Variants in ARHGEF26 observed in about 807,000 individuals in gnomAD.
The protein encoded by ARHGEF26 is Rho guanine nucleotide exchange factor 26.
ARHGEF26 carries 59 observed loss-of-function variants against 89.4 expected under a neutral mutation model. The ratio of observed to expected loss-of-function variants is 0.66; its 90% confidence interval spans 0.54 to 0.82. The LOEUF (loss-of-function observed/expected upper bound fraction) is 0.82, where lower values mean the gene tolerates loss of function less well. Among genes scored for constraint, ARHGEF26 ranks in the 40% least tolerant of loss-of-function variants. The probability of loss-of-function intolerance (pLI) is 0.00; values close to 1 mark genes in which losing one functional copy is unlikely to be tolerated. For missense variants in ARHGEF26, 1,234 were observed against 1,085.6 expected, an observed-to-expected ratio of 1.14 and a Z score of -1.92; for synonymous variants, 500 against 428.4, an observed-to-expected ratio of 1.17 and a Z score of -2.06.
chr3:154,160,189 G>A (rs1226906495), intron 6 of ARHGEF26, among the ~76,000 whole-genome samples: 4 of 152,044 alleles, frequency 2.6e-5, no homozygotes, highest in Non-Finnish European at 5.9e-5. Context: ...AAATTCACCC[G>A]AAGTATTTTC....
chr3:154,240,617 G>GTA, intron 12 of ARHGEF26, 38 bp downstream of exon 12: 1 of 1,534,234 alleles, frequency 6.5e-7, no homozygotes, highest in African/African-American at 1.4e-5. Context: ...ATAGCTGATA[G>GTA]TATCTCCCTG....
chr3:154,253,952 T>C (rs1159505578), intron 13 of ARHGEF26, among the ~76,000 whole-genome samples: 9 of 152,108 alleles, frequency 5.9e-5, no homozygotes, highest in Admixed American at 5.9e-4. Flanking sequence ...TGTTTGTTTG[T>C]TTTGAGATGG....
intron 9 of ARHGEF26, among the ~76,000 whole-genome samples, chr3:154,211,847 A>ATG (rs1448687680): frequency 1.1e-4 from 14 of 122,618 alleles, no homozygotes; most frequent in African/African-American, 3.7e-4. Flanking sequence ...AATAATGTAT[A>ATG]TGTGTGTGTG....
intron 9 of ARHGEF26, among the ~76,000 whole-genome samples, chr3:154,211,820 T>G (rs1049574466): frequency 6.6e-6 from 1 of 151,970 alleles, no homozygotes; most frequent in Non-Finnish European, 1.5e-5. Context: ...ATATAAATAG[T>G]ATAATGACAC....
chr3:154,133,559 A>T (rs1002137952), intron 4 of ARHGEF26, among the ~76,000 whole-genome samples: 4 of 151,302 alleles, frequency 2.6e-5, no homozygotes, highest in Non-Finnish European at 4.4e-5. Context: ...TTTCTGTTCC[A>T]TTGGTTTGTG....
At chr3:154,244,181 T>G (rs1717650795) in intron 12 of ARHGEF26, among the ~76,000 whole-genome samples, 1 of 152,196 alleles carries the variant, frequency 6.6e-6, no homozygotes, top group African/African-American at 2.4e-5. Context: ...TGAAAAATAA[T>G]GAATTTTACA....
intron 9 of ARHGEF26, among the ~76,000 whole-genome samples, chr3:154,198,146 T>G (rs1714399211): frequency 2.0e-5 from 3 of 152,062 alleles, no homozygotes; most frequent in African/African-American, 7.2e-5. Flanking sequence ...TCAGCATCAC[T>G]AACTATAAAG....
chr3:154,212,834 G>C (rs1258441662), intron 9 of ARHGEF26, among the ~76,000 whole-genome samples: 1 of 152,016 alleles, frequency 6.6e-6, no homozygotes, highest in Non-Finnish European at 1.5e-5. Flanking sequence ...CCGTGCGCTG[G>C]ATTCCTAACC....
At chr3:154,181,550 CTG>C (rs1047592756) in intron 6 of ARHGEF26, among the ~76,000 whole-genome samples, 2 of 152,060 alleles carry the variant, frequency 1.3e-5, no homozygotes, top group Admixed American at 6.5e-5. Flanking sequence ...TCCTTTTTTT[CTG>C]TGTTTCCAGA....
Position 154,122,070 on chromosome 3 carries a change from C to T in ARHGEF26, c.78C>T (p.Pro26=), listed in dbSNP as rs941455212. The change falls in exon 2 of 15, where the codon CCC becomes CCT. Residue 26 remains proline, a synonymous_variant. Coordinates refer to ENST00000465093, the MANE Select transcript of ARHGEF26 (RefSeq NM_015595.4). ...PLWRRRSIPQ[P]HQVLGRSKPR... ...GGCGGAGGCGGTCGATTCCTCAGCC[C>T]CACCAGGTTCTGGGCCGGAGCAAGC... 1 of 1,612,852 alleles carries T rather than the reference C, an allele frequency of 6.2e-7. No individual in the cohort carries two copies. The highest frequency in any genetic ancestry group is 1.7e-4 in the Middle Eastern group (1 of 6,060).
At chr3:154,239,065 GA>G in intron 11 of ARHGEF26, among the ~76,000 whole-genome samples, 1 of 152,100 alleles carries the variant, frequency 6.6e-6, no homozygotes, top group Non-Finnish European at 1.5e-5. Context: ...GGATTACAGA[GA>G]GTTTGTAGTT....
At chr3:154,232,667 G>T (rs1292126013) in intron 11 of ARHGEF26, among the ~76,000 whole-genome samples, 1 of 152,128 alleles carries the variant, frequency 6.6e-6, no homozygotes, top group African/African-American at 2.4e-5. Context: ...AGGCATGATT[G>T]TAAGTGCCTT....
At chr3:154,143,737 A>G (rs927723176) in intron 4 of ARHGEF26, among the ~76,000 whole-genome samples, 2 of 152,222 alleles carry the variant, frequency 1.3e-5, no homozygotes, top group African/African-American at 4.8e-5. Context: ...ATTTTATTAA[A>G]TAGTGCACGT....
chr3:154,122,114 A>G lies in ARHGEF26; in HGVS notation c.122A>G (p.Gln41Arg), dbSNP rs1717974574. 1.2e-6 allele frequency: 2 copies of G among 1,609,706 alleles called. No individual in the cohort carries two copies. Among genetic ancestry groups the G allele is most frequent in the East Asian group, 4.5e-5 (2 of 44,666 alleles). The change falls in exon 2 of 15, where the codon CAG (glutamine) becomes CGG (arginine). Residue 41 changes from glutamine (Q) to arginine (R), a missense_variant. By Grantham distance (43) the Gln-to-Arg change is conservative. Transcript: ENST00000465093. ...GRSKPRPQSY[Q>R]SPNGLLITDF... Reference sequence around the variant, plus strand: ...AGCAAGCCGAGGCCCCAGTCCTACCAGAGCCCCAACGGGTTACTAATTACG... The same window carrying G: ...AGCAAGCCGAGGCCCCAGTCCTACCGGAGCCCCAACGGGTTACTAATTACG...
intron 9 of ARHGEF26, among the ~76,000 whole-genome samples, chr3:154,203,356 T>A (rs957721189): frequency 7.9e-5 from 12 of 151,892 alleles, no homozygotes; most frequent in Non-Finnish European, 1.5e-4. Context: ...GCCCACTTGA[T>A]CATGGTGGAT....
chr3:154,236,957 G>A (rs1284979602), intron 11 of ARHGEF26, among the ~76,000 whole-genome samples: 1 of 152,154 alleles, frequency 6.6e-6, no homozygotes, highest in Non-Finnish European at 1.5e-5. Context: ...GGACCCAGAA[G>A]TCCAGTGGGC....
chr3:154,212,775 G>A (rs1336213553), intron 9 of ARHGEF26, among the ~76,000 whole-genome samples: 1 of 152,100 alleles, frequency 6.6e-6, no homozygotes, highest in Non-Finnish European at 1.5e-5. Context: ...ACAGGAGGAG[G>A]AGGCAGAGCT....
intron 9 of ARHGEF26, among the ~76,000 whole-genome samples, chr3:154,204,550 G>A (rs140277220): frequency 5.1e-4 from 77 of 151,726 alleles, no homozygotes; most frequent in Non-Finnish European, 9.3e-4. Flanking sequence ...GGCTGATCTC[G>A]ATCTCCTGGT....
At chr3:154,248,946 T>C (rs1358993140) in intron 12 of ARHGEF26, among the ~76,000 whole-genome samples, 3 of 152,184 alleles carry the variant, frequency 2.0e-5, no homozygotes, top group African/African-American at 7.2e-5. Context: ...TGAATTGAGT[T>C]TGTGAGGGAA....
Sources: gnomAD v4.1 joint callset for allele counts (sites outside exome capture counted in the v4.1 genomes callset) on GRCh38, gnomAD v4.1.1 for gene constraint, MANE v1.5 for transcripts, NCBI Gene and HGNC (gene_info 2026-07-23, HGNC 2026-07-21) for gene names.